The following STAT4 variants were observed in gnomAD, a reference collection of about 807,000 sequenced individuals.
STAT4 encodes signal transducer and activator of transcription 4.
STAT4 carries 42 observed loss-of-function variants against 110.5 expected under a neutral mutation model. The observed-to-expected ratio is 0.38, with a 90% CI of 0.30 to 0.49. The LOEUF (loss-of-function observed/expected upper bound fraction) is 0.49, where lower values mean the gene tolerates loss of function less well. Among genes scored for constraint, STAT4 ranks in the 20% least tolerant of loss-of-function variants. The pLI is 0.95. For missense variants in STAT4, 632 were observed against 887.9 expected (o/e 0.71, Z 3.66); for synonymous variants, 284 against 302.2 (o/e 0.94, Z 0.63).
chr2:191,131,492 G>A (rs546126426), intron 3 of STAT4: 1 of 192,996 alleles, frequency 5.2e-6, no homozygotes, highest in South Asian at 1.9e-4. Context: ...TCTCACTCGT[G>A]GATTTAGCAG....
Position 191,029,954 on chromosome 2 carries a change from C to T in STAT4, c.2221-88G>A, listed in dbSNP as rs372295173. ...CTTGGGCAAATAAACGTCCTCTTTT[C>T]TACGAATTACTCCATAATTTTTCTA... On this transcript the variant is annotated intron_variant, in intron 23 of 23. Transcript: ENST00000392320. The surrounding 1 kb of genome is among the most constrained non-coding windows in gnomAD (Gnocchi z 4.5). 9.0e-6 allele frequency: 9 copies of T among 995,030 alleles called. No individual in the cohort carries two copies. In the East Asian group the frequency reaches 2.2e-4, roughly 24 times the overall value. The allele number at this position is 995,030 out of a possible 1,614,324, so 61.6% of individuals were successfully genotyped here.
chr2:191,031,544 G>C lies in STAT4; in HGVS notation c.2045-28C>G. The C allele has an allele frequency of 6.3e-7, 1 of 1,587,714 alleles. No homozygotes were observed. The highest frequency in any genetic ancestry group is 8.6e-7 in the Non-Finnish European group (1 of 1,163,154). On this transcript the variant is annotated intron_variant, in intron 21 of 23. Coordinates refer to ENST00000392320, the MANE Select transcript of STAT4 (RefSeq NM_003151.4). The surrounding 1 kb of genome is among the most constrained non-coding windows in gnomAD (Gnocchi z 4.8). ...GGAAAACAAAAAGGCACAATGTTGG[G>C]GAAAAAAATGTCAATATTATCAATA...
At chr2:191,100,224 C>A (rs1465013596) in intron 3 of STAT4, among the ~76,000 whole-genome samples, 2 of 152,168 alleles carry the variant, frequency 1.3e-5, no homozygotes, top group Non-Finnish European at 2.9e-5. Flanking sequence ...GTACATTTTC[C>A]ATGGAACAAA....
At chr2:191,049,928 C>T (rs1696473039) in intron 14 of STAT4, among the ~76,000 whole-genome samples, 1 of 152,236 alleles carries the variant, frequency 6.6e-6, no homozygotes, top group Admixed American at 6.5e-5. Flanking sequence ...GAGAAATCAA[C>T]TTGCTGTGCA....
chr2:191,034,257 C>T (rs867540245), intron 18 of STAT4, among the ~76,000 whole-genome samples: 12 of 152,038 alleles, frequency 7.9e-5, no homozygotes, highest in African/African-American at 2.4e-4. Flanking sequence ...CCCACCTCTA[C>T]TAAAAATATG....
At chr2:191,071,539 T>G (rs1048563490) in intron 5 of STAT4, among the ~76,000 whole-genome samples, 2 of 152,194 alleles carry the variant, frequency 1.3e-5, no homozygotes, top group African/African-American at 4.8e-5. Context: ...ATTAAACCAA[T>G]GCCAGATCTC....
intron 3 of STAT4, among the ~76,000 whole-genome samples, chr2:191,095,186 T>C (rs1697934454): frequency 6.6e-6 from 1 of 152,142 alleles, no homozygotes; most frequent in Non-Finnish European, 1.5e-5. Context: ...AACACCCCAC[T>C]GTCAATATTA....
In STAT4 at chr2:191,046,006, G is replaced by A. The variant is rs1696340203; in HGVS notation, c.1252-4858C>T. Among the ~76,000 whole-genome samples the A allele has an allele frequency of 6.6e-6, 1 of 152,180 alleles. No individual in the cohort carries two copies. Among genetic ancestry groups the A allele is most frequent in the Non-Finnish European group, 1.5e-5 (1 of 68,034 alleles). ...TCTTGAGTATAGGCACCAAGAAGGT[G>A]TATTTTTGAACAATAGAAAATCTCA... On this transcript the variant is annotated intron_variant, in intron 14 of 23. Coordinates refer to ENST00000392320, the MANE Select transcript of STAT4 (RefSeq NM_003151.4). The surrounding 1 kb of genome is among the most constrained non-coding windows in gnomAD (Gnocchi z 4.6).
chr2:191,033,836 A>T lies in STAT4; in HGVS notation c.1715+75T>A. Reference sequence around the variant, plus strand: ...GGTACTAAACATGCTTAAGAGAAAAAGAAAGAAGAAAACCAATAACAACAG... The same window carrying T: ...GGTACTAAACATGCTTAAGAGAAAATGAAAGAAGAAAACCAATAACAACAG... On this transcript the variant is annotated intron_variant, in intron 19 of 23. Coordinates refer to ENST00000392320, the MANE Select transcript of STAT4 (RefSeq NM_003151.4). This position sits in a 1 kb window ranked among gnomAD's most constrained non-coding sequence, Gnocchi z 6.9. 7.1e-7 allele frequency: 1 copy of T among 1,414,248 alleles called. No homozygotes were observed. Among genetic ancestry groups the T allele is most frequent in the Non-Finnish European group, 9.7e-7 (1 of 1,034,482 alleles). 87.6% of individuals were successfully genotyped at this position (1,414,248 alleles called of 1,614,324 possible).
chr2:191,096,891 C>T (rs1698001643), intron 3 of STAT4, among the ~76,000 whole-genome samples: 1 of 152,188 alleles, frequency 6.6e-6, no homozygotes. Context: ...AGCCCAAAAC[C>T]TCCTTAAGCT....
intron 3 of STAT4, among the ~76,000 whole-genome samples, chr2:191,079,403 G>T (rs1268901304): frequency 6.6e-6 from 1 of 151,472 alleles, no homozygotes; most frequent in Non-Finnish European, 1.5e-5. Flanking sequence ...TGTTTCACTG[G>T]GTTTATTTCT....
rs1382631193 is a variant in STAT4, at chr2:191,035,840, T to G, written c.1570+324A>C. 6.6e-6 allele frequency among the ~76,000 whole-genome samples: 1 copy of G among 152,136 alleles called. No individual in the cohort carries two copies. Among genetic ancestry groups the G allele is most frequent in the East Asian group, 1.9e-4 (1 of 5,196 alleles). The stretch of plus-strand genomic sequence containing the variant: ...ATACCCTGGAGACTGGGGTGGGGAA[T>G]AGACAAGGAGGGGCTTTAGACCTGG... On this transcript the variant is annotated intron_variant, in intron 17 of 23. Transcript: ENST00000392320. This position sits in a 1 kb window ranked among gnomAD's most constrained non-coding sequence, Gnocchi z 4.7.
At chr2:191,096,861 T>C (rs1440811969) in intron 3 of STAT4, among the ~76,000 whole-genome samples, 1 of 152,246 alleles carries the variant, frequency 6.6e-6, no homozygotes, top group East Asian at 1.9e-4. Flanking sequence ...GATTGTATAT[T>C]TAGAAAACCC....
intron 3 of STAT4, among the ~76,000 whole-genome samples, chr2:191,105,799 C>A (rs1239739785): frequency 6.6e-6 from 1 of 152,124 alleles, no homozygotes; most frequent in African/African-American, 2.4e-5. Flanking sequence ...GTCAGATGAA[C>A]CTATGAAGTC....
chr2:191,031,430 A>C lies in STAT4; in HGVS notation c.2111+20T>G. Reference sequence around the variant, plus strand: ...AAAGCTTTTTATAAAAATATTTCACATGTGACTAACATTACTCACATTGTT... The same window carrying C: ...AAAGCTTTTTATAAAAATATTTCACCTGTGACTAACATTACTCACATTGTT... On this transcript the variant is annotated intron_variant, in intron 22 of 23. Transcript: ENST00000392320. This position sits in a 1 kb window ranked among gnomAD's most constrained non-coding sequence, Gnocchi z 4.8. 1 of 1,606,022 alleles carries C rather than the reference A, an allele frequency of 6.2e-7. No individual in the cohort carries two copies. The highest frequency in any genetic ancestry group is 8.5e-7 in the Non-Finnish European group (1 of 1,176,520).
At chr2:191,134,348 T>A (rs1216865837) in intron 3 of STAT4, among the ~76,000 whole-genome samples, 1 of 152,214 alleles carries the variant, frequency 6.6e-6, no homozygotes, top group East Asian at 1.9e-4. Flanking sequence ...ACTGTTGCTA[T>A]ATCCAGCACT....
rs1345968052 is a variant in STAT4 at position 191,138,395 on chromosome 2, A to G, written c.273+8218T>C. Among the ~76,000 whole-genome samples, 1 of 152,214 alleles carries G rather than the reference A, an allele frequency of 6.6e-6. No individual in the cohort carries two copies. The highest frequency in any genetic ancestry group is 1.5e-5 in the Non-Finnish European group (1 of 68,030). ...AAAAAAGAAGAGAGAAGATCCAAATAAGATTTCATTTCGCATCGAGAAATG... is the reference window on the plus strand; with the variant it reads ...AAAAAAGAAGAGAGAAGATCCAAATGAGATTTCATTTCGCATCGAGAAATG... On this transcript the variant is annotated intron_variant, in intron 3 of 23. Transcript: ENST00000392320. This position sits in a 1 kb window ranked among gnomAD's most constrained non-coding sequence, Gnocchi z 4.3.
In STAT4 at chr2:191,062,990, G is replaced by T; in HGVS notation, c.783-70C>A. The T allele has an allele frequency of 7.9e-7, 1 of 1,267,538 alleles. No homozygotes were observed. Among genetic ancestry groups the T allele is most frequent in the Non-Finnish European group, 1.1e-6 (1 of 930,170 alleles). 78.5% of individuals were successfully genotyped at this position (1,267,538 alleles called of 1,614,324 possible). ...TAATAAAAAAGCATTGTAACAATGG[G>T]TCATAGTTAATAAACATTAAATTAT... On this transcript the variant is annotated intron_variant, in intron 8 of 23. Transcript: ENST00000392320. This position sits in a 1 kb window ranked among gnomAD's most constrained non-coding sequence, Gnocchi z 4.9.
intron 3 of STAT4, among the ~76,000 whole-genome samples, chr2:191,103,864 T>C (rs930507695): frequency 6.6e-6 from 1 of 152,202 alleles, no homozygotes; most frequent in African/African-American, 2.4e-5. Context: ...TTATTCTCTA[T>C]TTTAACTTGA....
Sources: allele counts gnomAD v4.1 joint callset (sites outside exome capture counted in the v4.1 genomes callset), GRCh38; gene constraint gnomAD v4.1.1; non-coding constraint Gnocchi (gnomAD v3.1); transcripts MANE v1.5; gene names NCBI Gene and HGNC (gene_info 2026-07-23, HGNC 2026-07-21).